The following CSMD1 variants were observed in gnomAD, a reference collection of about 807,000 sequenced individuals.
CSMD1 encodes CUB and sushi domain-containing protein 1.
CSMD1 carries 213 observed loss-of-function variants against 417.5 expected under a neutral mutation model. The observed-to-expected ratio is 0.51, with a 90% CI of 0.46 to 0.57. The LOEUF is 0.57. CSMD1 is among the 20% of genes least tolerant of loss of function. The pLI, the probability that CSMD1 is intolerant of heterozygous loss-of-function variation, is 0.00. For missense variants in CSMD1, 6,923 were observed against 4,529.7 expected (o/e 1.53, Z -15.17); for synonymous variants, 2,862 against 1,736.8 (o/e 1.65, Z -16.11).
intron 26 of CSMD1, among the ~76,000 whole-genome samples, chr8:3,259,433 A>G (rs1236258001): frequency 6.6e-6 from 1 of 152,110 alleles, no homozygotes; most frequent in African/African-American, 2.4e-5. Context: ...TGAGTGAATG[A>G]ATGAATGAAT....
intron 1 of CSMD1, among the ~76,000 whole-genome samples, chr8:4,820,854 T>C (rs567231341): frequency 6.6e-6 from 1 of 152,324 alleles, no homozygotes; most frequent in East Asian, 1.9e-4. Flanking sequence ...AATGCAAGAA[T>C]AATTGTTGTT....
intron 3 of CSMD1, among the ~76,000 whole-genome samples, chr8:4,314,897 T>G (rs536822098): frequency 3.3e-5 from 5 of 152,238 alleles, no homozygotes; most frequent in Admixed American, 3.3e-4. Flanking sequence ...AAGAACATAA[T>G]TGGGCTCCTA....
chr8:3,645,555 G>C (rs559567071), intron 7 of CSMD1, among the ~76,000 whole-genome samples: 1 of 152,298 alleles, frequency 6.6e-6, no homozygotes, highest in East Asian at 1.9e-4. Flanking sequence ...GAGAGATCAT[G>C]GGAAGTGTCA....
At chr8:3,505,197 G>C (rs1011667365) in intron 10 of CSMD1, among the ~76,000 whole-genome samples, 1 of 151,886 alleles carries the variant, frequency 6.6e-6, no homozygotes, top group African/African-American at 2.4e-5. Context: ...TGAGAGACTG[G>C]GAATGTAAAA....
intron 49 of CSMD1, among the ~76,000 whole-genome samples, chr8:3,059,521 A>C (rs1812452002): frequency 6.6e-6 from 1 of 152,164 alleles, no homozygotes; most frequent in South Asian, 2.1e-4. Context: ...AGGAGGGGAC[A>C]CACGACTCAG....
chr8:4,516,329 G>C (rs1188935494), intron 2 of CSMD1, among the ~76,000 whole-genome samples: 1 of 152,124 alleles, frequency 6.6e-6, no homozygotes, highest in Non-Finnish European at 1.5e-5. Context: ...CCAAAATTAA[G>C]AAGAAACAGA....
chr8:3,920,879 T>A (rs1376243314), intron 5 of CSMD1, among the ~76,000 whole-genome samples: 46 of 152,138 alleles, frequency 3.0e-4, no homozygotes, highest in Admixed American at 3.0e-3. Context: ...TTTGCTAGTG[T>A]TTTGTTGAGA....
chr8:3,628,943 G>C (rs1217310921), intron 7 of CSMD1, among the ~76,000 whole-genome samples: 1 of 151,996 alleles, frequency 6.6e-6, no homozygotes, highest in East Asian at 1.9e-4. Context: ...GTAGGAATGA[G>C]AAACAAAAGA....
At chr8:4,014,818 A>T (rs1796444826) in intron 4 of CSMD1, among the ~76,000 whole-genome samples, 1 of 152,166 alleles carries the variant, frequency 6.6e-6, no homozygotes, top group Admixed American at 6.5e-5. Context: ...CAGCTCTATA[A>T]CCTAACATGG....
intron 2 of CSMD1, among the ~76,000 whole-genome samples, chr8:4,471,344 C>G (rs1800518651): frequency 1.3e-5 from 2 of 152,138 alleles, no homozygotes; most frequent in African/African-American, 2.4e-5. Flanking sequence ...TATATCGCAG[C>G]TTATTTCTAG....
intron 5 of CSMD1, among the ~76,000 whole-genome samples, chr8:3,807,225 C>T (rs1235604114): frequency 3.3e-5 from 5 of 152,156 alleles, no homozygotes; most frequent in Non-Finnish European, 7.3e-5. Context: ...CATTGATAAA[C>T]CTATATTTAA....
intron 54 of CSMD1, among the ~76,000 whole-genome samples, chr8:2,981,229 A>G (rs1805390717): frequency 6.6e-6 from 1 of 152,232 alleles, no homozygotes; most frequent in Non-Finnish European, 1.5e-5. Context: ...AGAGTTTGTT[A>G]GTGACCAACC....
chr8:3,445,298 G>C (rs1815228432), intron 12 of CSMD1, among the ~76,000 whole-genome samples: 1 of 152,090 alleles, frequency 6.6e-6, no homozygotes, highest in Non-Finnish European at 1.5e-5. Context: ...ACGTCACTAA[G>C]GTAAGGGTAC....
At chr8:4,771,058 C>T (rs927794559) in intron 1 of CSMD1, among the ~76,000 whole-genome samples, 7 of 152,320 alleles carry the variant, frequency 4.6e-5, no homozygotes, top group African/African-American at 1.7e-4. Flanking sequence ...AACCATATAT[C>T]AGATAAGGAG....
intron 3 of CSMD1, among the ~76,000 whole-genome samples, chr8:4,092,793 A>G (rs540789973): frequency 6.6e-6 from 1 of 152,216 alleles, no homozygotes; most frequent in East Asian, 1.9e-4. Flanking sequence ...CATGAAATCT[A>G]TTTTTTAATA....
chr8:3,798,315 T>C (rs1451972989), intron 5 of CSMD1, among the ~76,000 whole-genome samples: 1 of 152,066 alleles, frequency 6.6e-6, no homozygotes, highest in Non-Finnish European at 1.5e-5. Context: ...GCTTCGTCTA[T>C]CTTAAGACAA....
intron 3 of CSMD1, among the ~76,000 whole-genome samples, chr8:4,220,285 T>A (rs1281325283): frequency 6.6e-6 from 1 of 152,196 alleles, no homozygotes; most frequent in Admixed American, 6.5e-5. Flanking sequence ...CAGTGAGGCC[T>A]TCCTGACAAG....
chr8:4,360,723 T>A (rs1358917885), intron 3 of CSMD1, among the ~76,000 whole-genome samples: 2 of 152,148 alleles, frequency 1.3e-5, no homozygotes. Context: ...TCCGATCTCC[T>A]GACCTCGTGA....
rs562006794 is a variant in CSMD1 at position 3,973,701 on chromosome 8, G to A, written c.818+24202C>T. 5.3e-5 allele frequency among the ~76,000 whole-genome samples: 8 copies of A among 152,318 alleles called. No individual in the cohort carries two copies. The South Asian group carries it at 1.7e-3, about 32-fold the overall frequency. Reference sequence around the variant, plus strand: ...ACTGGCAACAGAGGTGTGAATGCAAGACCTTTATCACTTTGCAAGAACAGT... The same window carrying A: ...ACTGGCAACAGAGGTGTGAATGCAAAACCTTTATCACTTTGCAAGAACAGT... On this transcript the variant is annotated intron_variant, in intron 5 of 69. Transcript: ENST00000635120.
Sources: gnomAD v4.1 joint callset for allele counts (sites outside exome capture counted in the v4.1 genomes callset) on GRCh38, gnomAD v4.1.1 for gene constraint, MANE v1.5 for transcripts, NCBI Gene and HGNC (gene_info 2026-07-23, HGNC 2026-07-21) for gene names.